Variants in BTAF1 observed in about 807,000 individuals in gnomAD.
BTAF1 encodes TATA-binding protein-associated factor 172.
In BTAF1, 38 loss-of-function variants were observed where a neutral mutation model predicts 227.1. That is an observed-to-expected ratio of 0.17 (90% confidence interval 0.13 to 0.22). The LOEUF (loss-of-function observed/expected upper bound fraction) is 0.22, where lower values mean the gene tolerates loss of function less well. BTAF1 is among the 10% of genes least tolerant of loss of function. BTAF1 has a pLI of 1.00. For missense variants in BTAF1, 1,598 were observed against 2,204.0 expected, an observed-to-expected ratio of 0.73 and a Z score of 5.51; for synonymous variants, 742 against 751.9, an observed-to-expected ratio of 0.99 and a Z score of 0.21.
chr10:91,944,749 A>G (rs757478268), intron 4 of BTAF1, among the ~76,000 whole-genome samples: 2 of 152,158 alleles, frequency 1.3e-5, no homozygotes, highest in Non-Finnish European at 2.9e-5. Context: ...CCCAGCAACC[A>G]TGAGTCTACT....
At chr10:91,990,872 C>T (rs916128950) in intron 20 of BTAF1, among the ~76,000 whole-genome samples, 2 of 151,908 alleles carry the variant, frequency 1.3e-5, no homozygotes, top group Non-Finnish European at 2.9e-5. Context: ...TTTAGGAGGT[C>T]GAGGTGAGCA....
intron 25 of BTAF1, among the ~76,000 whole-genome samples, chr10:92,003,919 T>C (rs964537476): frequency 2.6e-5 from 4 of 152,232 alleles, no homozygotes; most frequent in Non-Finnish European, 4.4e-5. Flanking sequence ...GTTTTGTCTT[T>C]TTAATAATAG....
At chr10:92,004,780 A>G (rs946479502) in intron 25 of BTAF1, among the ~76,000 whole-genome samples, 3 of 152,070 alleles carry the variant, frequency 2.0e-5, no homozygotes, top group Admixed American at 6.6e-5. Context: ...CTGTATTTTG[A>G]TTTTGTTTCC....
intron 13 of BTAF1, among the ~76,000 whole-genome samples, chr10:91,964,683 A>G (rs1453055257): frequency 6.6e-6 from 1 of 152,144 alleles, no homozygotes; most frequent in South Asian, 2.1e-4. Context: ...ATAATAATGT[A>G]ATATAATGTC....
chr10:92,009,332 T>C, intron 28 of BTAF1, 124 bp downstream of exon 28: 2 of 1,023,780 alleles, frequency 2.0e-6, no homozygotes, highest in Non-Finnish European at 2.8e-6. Context: ...AAACTTCACT[T>C]ATGAAAAGTG....
intron 14 of BTAF1, among the ~76,000 whole-genome samples, chr10:91,971,168 T>C (rs1372401839): frequency 6.6e-6 from 1 of 152,220 alleles, no homozygotes; most frequent in African/African-American, 2.4e-5. Flanking sequence ...TCTTTTTCTA[T>C]TATTTTTCAT....
chr10:91,952,885 C>T (rs1845861211), intron 5 of BTAF1, among the ~76,000 whole-genome samples: 1 of 152,056 alleles, frequency 6.6e-6, no homozygotes, highest in South Asian at 2.1e-4. Flanking sequence ...GGTAATTGAA[C>T]ATGGTGTAAG....
At position 91,993,921 on chromosome 10, in the gene BTAF1, T is replaced by C. The variant is rs373354236; in HGVS notation, c.3199+74T>C. ...ATTAATTGAATATATCCTTATAAAA[T>C]AAAAATGCCTCTATGCCTCTACCTG... is the stretch of plus-strand genomic sequence containing the variant. On this transcript the variant is annotated intron_variant, in intron 22 of 37. Transcript: ENST00000265990. 3.1e-4 allele frequency: 361 copies of C among 1,177,256 alleles called. 5 individuals are homozygous for C. The South Asian group carries it at 8.9e-3, about 29-fold the overall frequency. The allele number at this position is 1,177,256 out of a possible 1,614,324, so 72.9% of individuals were successfully genotyped here. A position where few individuals can be genotyped will look rare whatever the true frequency, so the allele number is the denominator to read the frequency against.
At chr10:91,935,581 A>G (rs1344619957) in intron 1 of BTAF1, 76 bp from the exon 2 acceptor site, 32 of 1,504,336 alleles carry the variant, frequency 2.1e-5, no homozygotes, top group Non-Finnish European at 2.6e-5. Flanking sequence ...GCATCTGCTC[A>G]GTACGTTTAT....
rs141818329 is a variant in BTAF1 at position 92,025,069 on chromosome 10, AT to A, written c.5075+109del. On this transcript the variant is annotated intron_variant, in intron 35 of 37. Coordinates refer to ENST00000265990, the MANE Select transcript of BTAF1 (RefSeq NM_003972.3). ...TCATTGGCTAAATATCTGCAAATGCATTTTTTTAATTGTGTAATTCACCCCA... is the reference window on the plus strand; with the variant it reads ...TCATTGGCTAAATATCTGCAAATGCATTTTTTAATTGTGTAATTCACCCCA... 7.6e-4 allele frequency: 753 copies of A among 992,604 alleles called. 11 individuals carry two copies. The African/African-American group carries it at 0.011, about 14-fold the overall frequency. The allele number at this position is 992,604 out of a possible 1,614,324, so 61.5% of individuals were successfully genotyped here.
intron 25 of BTAF1, among the ~76,000 whole-genome samples, chr10:91,999,658 G>A (rs1276957046): frequency 6.6e-6 from 1 of 152,198 alleles, no homozygotes; most frequent in Non-Finnish European, 1.5e-5. Flanking sequence ...CTCCCAAAGT[G>A]CTGGGATTAC....
At chr10:92,019,796 ATCT>A (rs1056155740) in intron 34 of BTAF1, among the ~76,000 whole-genome samples, 1 of 151,470 alleles carries the variant, frequency 6.6e-6, no homozygotes, top group African/African-American at 2.4e-5. Context: ...ACATTTCCAT[ATCT>A]TCTTTAGAAA....
chr10:91,941,392 T>A (rs908733210), intron 3 of BTAF1, among the ~76,000 whole-genome samples: 8 of 152,214 alleles, frequency 5.3e-5, no homozygotes, highest in African/African-American at 1.9e-4. Context: ...CAGTTATACT[T>A]TAGTTTACAG....
At chr10:92,026,927 T>C (rs1183239151) in intron 36 of BTAF1, among the ~76,000 whole-genome samples, 176 bp downstream of exon 36, 1 of 152,216 alleles carries the variant, frequency 6.6e-6, no homozygotes, top group Non-Finnish European at 1.5e-5. Flanking sequence ...AATGAGGTGC[T>C]AGCACTTAGG....
In BTAF1 at chr10:91,923,817, A is replaced by T; in HGVS notation, c.-260A>T. On this transcript the variant is annotated 5_prime_UTR_variant, in exon 1 of 38. Coordinates refer to ENST00000265990, the MANE Select transcript of BTAF1 (RefSeq NM_003972.3). ...GTCAGCAAAGAGCGGAGCTGAGGGT[A>T]CCCGGTTTGAAGTCGTGCGGGTCGG... The T allele has an allele frequency of 2.4e-6, 1 of 421,242 alleles. No individual in the cohort carries two copies. Among genetic ancestry groups the T allele is most frequent in the Non-Finnish European group, 4.2e-6 (1 of 236,970 alleles). The allele number at this position is 421,242 out of a possible 1,614,324, so 26.1% of individuals were successfully genotyped here.
Position 91,974,892 on chromosome 10 carries a change from A to G in BTAF1, c.1651-5562A>G, listed in dbSNP as rs183398081. On this transcript the variant is annotated intron_variant, in intron 14 of 37. Coordinates refer to ENST00000265990, the MANE Select transcript of BTAF1 (RefSeq NM_003972.3). ...AACTAGTTTTATTTCATAATGATTT[A>G]CAATCAAGGTATAACTTTTTTTTGC... is the stretch of plus-strand genomic sequence containing the variant. Among the ~76,000 whole-genome samples the G allele has an allele frequency of 2.4e-3, 371 of 152,354 alleles. 1 individual carries two copies. Among genetic ancestry groups the G allele is most frequent in the African/African-American group, 8.7e-3 (362 of 41,572 alleles).
rs1466556430 is a variant in BTAF1, at chr10:91,991,832, T to TATAC, written c.2855-286_2855-285insTACA. On this transcript the variant is annotated intron_variant, in intron 20 of 37. Transcript: ENST00000265990. Reference sequence around the variant, plus strand: ...ATATATATATATATATATATATATATACACACATATATACACACACAAACA... The same window carrying TATAC: ...ATATATATATATATATATATATATATATACACACACATATATACACACACAAACA... Among the ~76,000 whole-genome samples the TATAC allele has an allele frequency of 4.3e-3, 48 of 11,232 alleles. 1 individual carries two copies. Among genetic ancestry groups the TATAC allele is most frequent in the African/African-American group, 5.8e-3 (44 of 7,620 alleles). The allele number at this position is 11,232 out of a possible 152,430, so 7.4% of individuals were successfully genotyped here.
intron 9 of BTAF1, chr10:91,959,371 G>GTCTC: frequency 1.1e-6 from 1 of 924,608 alleles, no homozygotes; most frequent in African/African-American, 1.7e-5. Context: ...GGTATTGCCT[G>GTCTC]GAGACACTGG....
chr10:91,966,054 G>T (rs1589828512), intron 13 of BTAF1, among the ~76,000 whole-genome samples: 1 of 152,262 alleles, frequency 6.6e-6, no homozygotes, highest in African/African-American at 2.4e-5. Context: ...TCTAGACTTG[G>T]CTTTGTTTGC....
Sources: allele counts gnomAD v4.1 joint callset (sites outside exome capture counted in the v4.1 genomes callset), GRCh38; gene constraint gnomAD v4.1.1; transcripts MANE v1.5; gene names NCBI Gene and HGNC (gene_info 2026-07-23, HGNC 2026-07-21).